CUX2: variants seen among roughly 807,000 people sequenced by gnomAD.
CUX2 encodes the protein cut like homeobox 2, also known as homeobox protein cut-like 2.
Under a neutral mutation model 144.8 loss-of-function variants are expected in CUX2, and 40 were observed. The ratio of observed to expected loss-of-function variants is 0.28; its 90% confidence interval spans 0.21 to 0.36. CUX2 has a LOEUF of 0.36. Among genes scored for constraint, CUX2 ranks in the 10% least tolerant of loss-of-function variants. The probability of loss-of-function intolerance (pLI) is 1.00; values close to 1 mark genes in which losing one functional copy is unlikely to be tolerated. For missense variants in CUX2, 1,615 were observed against 1,994.0 expected (o/e 0.81, Z 3.62); for synonymous variants, 827 against 875.6 (o/e 0.94, Z 0.98).
At chr12:111,076,178 T>C (rs1157734790) in intron 1 of CUX2, among the ~76,000 whole-genome samples, 1 of 152,224 alleles carries the variant, frequency 6.6e-6, no homozygotes, top group Non-Finnish European at 1.5e-5. Flanking sequence ...GTCAGCATCA[T>C]CATTTTTATA....
At chr12:111,281,302 C>A (rs1885104309) in intron 4 of CUX2, among the ~76,000 whole-genome samples, 1 of 152,154 alleles carries the variant, frequency 6.6e-6, no homozygotes, top group Non-Finnish European at 1.5e-5. Context: ...TTCCAGCCAC[C>A]AGCCTTTTGC....
rs143288694 is a variant in CUX2 at position 111,336,507 on chromosome 12, G to A, written c.3197-1779G>A. On this transcript the variant is annotated intron_variant, in intron 19 of 21. Transcript: ENST00000261726. ...CCAGGCCCCAGGCTGGAGTGCAGTC[G>A]TACGATCTCAGCTCACTGCAACCTC... is the stretch of plus-strand genomic sequence containing the variant. Among the ~76,000 whole-genome samples the A allele has an allele frequency of 1.5e-4, 23 of 151,532 alleles. No homozygotes were observed. In the East Asian group the frequency reaches 3.7e-3, roughly 25 times the overall value.
At chr12:111,284,452 C>T (rs60579505) in intron 4 of CUX2, among the ~76,000 whole-genome samples, 8,411 of 152,196 alleles carry the variant, frequency 0.055, 256 homozygotes, top group South Asian at 0.087. Flanking sequence ...AGCTTGGACA[C>T]GAGCATTGGT....
rs190468527 is a variant in CUX2 at position 111,063,255 on chromosome 12, C to G, written c.63+29015C>G. On this transcript the variant is annotated intron_variant, in intron 1 of 21. Coordinates refer to ENST00000261726, the MANE Select transcript of CUX2 (RefSeq NM_015267.4). ...GGTCCTCACCACATTCAAATACAGG[C>G]TTCTTTTCTGCCATGTATTATTTAC... Among the ~76,000 whole-genome samples, 603 of 152,280 alleles carry G rather than the reference C, an allele frequency of 4.0e-3. 1 individual carries two copies. Among genetic ancestry groups the G allele is most frequent in the Non-Finnish European group, 6.0e-3 (411 of 68,012 alleles).
At chr12:111,208,714 C>G (rs970877657) in intron 1 of CUX2, among the ~76,000 whole-genome samples, 7 of 152,126 alleles carry the variant, frequency 4.6e-5, no homozygotes, top group African/African-American at 1.7e-4. Flanking sequence ...TCAGTAGAGC[C>G]AGTGTTAGAA....
At position 111,057,714 on chromosome 12, in the gene CUX2, A is replaced by G. The variant is rs10849925; in HGVS notation, c.63+23474A>G. Among the ~76,000 whole-genome samples the G allele has an allele frequency of 0.24, 36,663 of 152,188 alleles. 6,105 individuals carry two copies. The highest frequency in any genetic ancestry group is 0.36 in the Non-Finnish European group (24,357 of 67,980). On this transcript the variant is annotated intron_variant, in intron 1 of 21. Coordinates refer to ENST00000261726, the MANE Select transcript of CUX2 (RefSeq NM_015267.4). The surrounding 1 kb of genome is among the most constrained non-coding windows in gnomAD (Gnocchi z 5.1). ...CACTCCAACTACCGTACTTTTCTTC[A>G]AATAAAAGCAGCTAATTAACATTAT...
At chr12:111,129,465 G>C (rs1178858692) in intron 1 of CUX2, among the ~76,000 whole-genome samples, 2 of 152,268 alleles carry the variant, frequency 1.3e-5, no homozygotes, top group African/African-American at 4.8e-5. Context: ...CAGATCAATA[G>C]CTGCATACCA....
intron 8 of CUX2, among the ~76,000 whole-genome samples, chr12:111,297,543 CT>C (rs752489382): frequency 6.6e-6 from 1 of 152,226 alleles, no homozygotes; most frequent in Non-Finnish European, 1.5e-5. Flanking sequence ...CTCTGGGCCC[CT>C]GGGACTGTCC....
intron 16 of CUX2, among the ~76,000 whole-genome samples, chr12:111,318,043 A>C (rs995234115): frequency 8.6e-5 from 13 of 151,622 alleles, no homozygotes; most frequent in Admixed American, 7.2e-4. Flanking sequence ...GTGCCATCTT[A>C]TTGGACTTGT....
rs778876224 is a variant in CUX2 at position 111,320,622 on chromosome 12, C to T, written c.2613C>T (p.Tyr871=). 11 of 1,584,974 alleles carry T rather than the reference C, an allele frequency of 6.9e-6. No individual in the cohort carries two copies. In the East Asian group the frequency reaches 1.6e-4, roughly 23 times the overall value. ...CGCGGCTGCCCTACTACCCGGCCTA[C>T]GTGCCGCGCACCCTGAAGCCCACCG... The part of the protein sequence containing the change: ...AGARLPYYPA[Y]VPRTLKPTVP... The change falls in exon 17 of 22, where the codon TAC becomes TAT. Residue 871 remains tyrosine (Y), a synonymous_variant. Coordinates refer to ENST00000261726, the MANE Select transcript of CUX2 (RefSeq NM_015267.4). This position sits in a 1 kb window ranked among gnomAD's most constrained non-coding sequence, Gnocchi z 8.1.
chr12:111,252,978 A>G (rs980930474), intron 3 of CUX2, among the ~76,000 whole-genome samples: 5 of 151,878 alleles, frequency 3.3e-5, no homozygotes, highest in African/African-American at 7.2e-5. Flanking sequence ...TGTTGCTTTT[A>G]TGCCTCCAAC....
chr12:111,051,905 A>C (rs1870285160), intron 1 of CUX2, among the ~76,000 whole-genome samples: 1 of 151,642 alleles, frequency 6.6e-6, no homozygotes, highest in Non-Finnish European at 1.5e-5. Flanking sequence ...GGATTTTCTT[A>C]GTGGTTTGTG....
intron 1 of CUX2, among the ~76,000 whole-genome samples, chr12:111,094,363 A>C (rs1156659893): frequency 1.3e-5 from 2 of 152,122 alleles, no homozygotes; most frequent in South Asian, 2.1e-4. Flanking sequence ...GGGCAGAGGG[A>C]GGCAAGGGTC....
intron 16 of CUX2, among the ~76,000 whole-genome samples, chr12:111,317,648 T>G (rs559928127): frequency 1.8e-4 from 27 of 152,242 alleles, no homozygotes; most frequent in African/African-American, 6.0e-4. Context: ...GTAGAAAAGG[T>G]TTTTCACTAA....
chr12:111,170,120 C>T (rs1878424447), intron 1 of CUX2, among the ~76,000 whole-genome samples: 1 of 152,168 alleles, frequency 6.6e-6, no homozygotes. Context: ...AGCATTCGTC[C>T]TGAGTCTCCC....
chr12:111,101,368 C>T (rs1360303852), intron 1 of CUX2, among the ~76,000 whole-genome samples: 1 of 152,136 alleles, frequency 6.6e-6, no homozygotes, highest in Admixed American at 6.5e-5. Context: ...CAGGGTGTGA[C>T]CCCCTACAGC....
intron 3 of CUX2, among the ~76,000 whole-genome samples, chr12:111,236,798 A>G (rs958627148): frequency 1.3e-5 from 2 of 152,244 alleles, no homozygotes; most frequent in African/African-American, 4.8e-5. Flanking sequence ...TCTGCGTTTT[A>G]GTATTCTTTT....
At chr12:111,137,940 C>T (rs182205386) in intron 1 of CUX2, among the ~76,000 whole-genome samples, 8 of 152,364 alleles carry the variant, frequency 5.3e-5, no homozygotes, top group Non-Finnish European at 7.3e-5. Flanking sequence ...AATCAGGTCA[C>T]CTGAGTCCAG....
chr12:111,298,603 G>A lies in CUX2; in HGVS notation c.753+14G>A, dbSNP rs763177862. 4.0e-5 allele frequency: 63 copies of A among 1,559,420 alleles called. No homozygotes were observed. Among genetic ancestry groups the A allele is most frequent in the Non-Finnish European group, 4.6e-5 (53 of 1,150,800 alleles). ...AAAGCTAATCAGGTGAGGAGGCGCA[G>A]TTCCCACCCGTGGGTGCCAGAGGCT... On this transcript the variant is annotated intron_variant, in intron 9 of 21. Coordinates refer to ENST00000261726, the MANE Select transcript of CUX2 (RefSeq NM_015267.4).
Sources: allele counts gnomAD v4.1 joint callset (sites outside exome capture counted in the v4.1 genomes callset), GRCh38; gene constraint gnomAD v4.1.1; non-coding constraint Gnocchi (gnomAD v3.1); transcripts MANE v1.5; gene names NCBI Gene and HGNC (gene_info 2026-07-23, HGNC 2026-07-21).